PSMB2: variants seen among roughly 807,000 people sequenced by gnomAD.
The protein encoded by PSMB2 is proteasome subunit beta type-2.
In PSMB2, 13 loss-of-function variants were observed where a neutral mutation model predicts 25.7. The observed-to-expected ratio is 0.51, with a 90% CI of 0.33 to 0.80. PSMB2 has a LOEUF of 0.80. PSMB2 is among the 30% of genes least tolerant of loss of function. The pLI is 0.02. For synonymous variants in PSMB2, 87 were observed against 96.2 expected (o/e 0.90, Z 0.56); for missense variants, 202 against 259.0 (o/e 0.78, Z 1.51).
At position 35,604,735 on chromosome 1, in the gene PSMB2, G is replaced by A. The variant is rs577827070; in HGVS notation, c.498+498C>T. ...GCGGAGGTTGCAGTGAGCTGAAATC[G>A]TGCCACTGCACTCCAGCCTGGGCAA... On this transcript the variant is annotated intron_variant, in intron 5 of 5. Coordinates refer to ENST00000373237, the MANE Select transcript of PSMB2 (RefSeq NM_002794.5). Among the ~76,000 whole-genome samples, 10 of 152,266 alleles carry A rather than the reference G, an allele frequency of 6.6e-5. No homozygotes were observed. The South Asian group carries it at 8.3e-4, about 13-fold the overall frequency.
Position 35,600,427 on chromosome 1 carries a change from C to T in PSMB2, c.*2840G>A. 1.2e-6 allele frequency: 1 copy of T among 864,064 alleles called. No homozygotes were observed. The highest frequency in any genetic ancestry group is 1.4e-6 in the Non-Finnish European group (1 of 719,716). The allele number at this position is 864,064 out of a possible 1,614,324, so 53.5% of individuals were successfully genotyped here. On this transcript the variant is annotated 3_prime_UTR_variant, in exon 6 of 6. Transcript: ENST00000373237. ...TGGTATATAGAAGATGTTAACATTACAGAAACTGAATAAGGGGTATAAGGA... is the reference window on the plus strand; with the variant it reads ...TGGTATATAGAAGATGTTAACATTATAGAAACTGAATAAGGGGTATAAGGA...
intron 3 of PSMB2, among the ~76,000 whole-genome samples, chr1:35,613,295 T>G (rs1345805986): frequency 6.6e-6 from 1 of 151,996 alleles, no homozygotes; most frequent in East Asian, 1.9e-4. Context: ...TCCCGCACTT[T>G]GGGAGGCCAA....
At chr1:35,605,178 C>T in intron 5 of PSMB2, 55 bp downstream of exon 5, 1 of 1,529,516 alleles carries the variant, frequency 6.5e-7, no homozygotes, top group Non-Finnish European at 9.0e-7. Flanking sequence ...ACAGGAACAA[C>T]ACTGGCAAAC....
At position 35,627,903 on chromosome 1, in the gene PSMB2, A is replaced by G. The variant is rs116281891; in HGVS notation, c.285+3371T>C. ...CTCAGTGGTAGTAAATGTCCTCCCA[A>G]CCAAACCACCACACATACACAGAGC... is the stretch of plus-strand genomic sequence containing the variant. On this transcript the variant is annotated intron_variant, in intron 3 of 5. Coordinates refer to ENST00000373237, the MANE Select transcript of PSMB2 (RefSeq NM_002794.5). 5.3e-3 allele frequency among the ~76,000 whole-genome samples: 800 copies of G among 152,242 alleles called. 3 individuals are homozygous for G. Among genetic ancestry groups the G allele is most frequent in the African/African-American group, 0.018 (731 of 41,538 alleles).
At chr1:35,606,931 A>G (rs1464372251) in intron 4 of PSMB2, among the ~76,000 whole-genome samples, 1 of 152,204 alleles carries the variant, frequency 6.6e-6, no homozygotes, top group Admixed American at 6.5e-5. Flanking sequence ...GAAGGTACCA[A>G]GAACACTCAT....
chr1:35,621,277 A>G lies in PSMB2; in HGVS notation c.285+9997T>C, dbSNP rs543439150. On this transcript the variant is annotated intron_variant, in intron 3 of 5. Coordinates refer to ENST00000373237, the MANE Select transcript of PSMB2 (RefSeq NM_002794.5). ...TGTGCTCCCAGAGTACCCTGTGTAT[A>G]TGGCTATCTTAGCACTTGTCACTCT... Among the ~76,000 whole-genome samples the G allele has an allele frequency of 2.0e-5, 3 of 152,270 alleles. No homozygotes were observed. In the South Asian group the frequency reaches 6.2e-4, roughly 32 times the overall value.
chr1:35,621,821 C>T (rs1650693060), intron 3 of PSMB2, among the ~76,000 whole-genome samples: 1 of 152,078 alleles, frequency 6.6e-6, no homozygotes, highest in Admixed American at 6.6e-5. Context: ...CACAGTGAAA[C>T]CCCATCTCTA....
chr1:35,611,372 T>C (rs1298372546), intron 3 of PSMB2, among the ~76,000 whole-genome samples: 1 of 152,082 alleles, frequency 6.6e-6, no homozygotes, highest in Non-Finnish European at 1.5e-5. Flanking sequence ...TAACAGGCTT[T>C]TGTTCTGTCG....
chr1:35,624,639 G>T (rs1018599438), intron 3 of PSMB2, among the ~76,000 whole-genome samples: 1 of 152,098 alleles, frequency 6.6e-6, no homozygotes, highest in South Asian at 2.1e-4. Context: ...TGTAATCCCA[G>T]CTACTCAGGA....
rs560678829 is a variant in PSMB2, at chr1:35,620,423, G to A, written c.285+10851C>T. Reference sequence around the variant, plus strand: ...AATGCTCCATCAAAGAACAGCCAACGAGCTAATGATCTTACCAATCTCATC... The same window carrying A: ...AATGCTCCATCAAAGAACAGCCAACAAGCTAATGATCTTACCAATCTCATC... On this transcript the variant is annotated intron_variant, in intron 3 of 5. Transcript: ENST00000373237. 4.6e-5 allele frequency among the ~76,000 whole-genome samples: 7 copies of A among 152,196 alleles called. No homozygotes were observed. In the South Asian group the frequency reaches 1.0e-3, roughly 23 times the overall value.
At chr1:35,640,703 T>C (rs954566742) in intron 1 of PSMB2, among the ~76,000 whole-genome samples, 2 of 150,248 alleles carry the variant, frequency 1.3e-5, no homozygotes, top group Non-Finnish European at 2.9e-5. Flanking sequence ...GATCCCACCT[T>C]ATGCCGCCAA....
chr1:35,630,234 C>A (rs2148575971), intron 3 of PSMB2, among the ~76,000 whole-genome samples: 1 of 152,272 alleles, frequency 6.6e-6, no homozygotes, highest in Non-Finnish European at 1.5e-5. Context: ...CTTTCACTAA[C>A]ACATAGAGAC....
At chr1:35,628,617 ATATATATATATATATT>A (rs1557456488) in intron 3 of PSMB2, among the ~76,000 whole-genome samples, 57 of 49,466 alleles carry the variant, frequency 1.2e-3, no homozygotes, top group Non-Finnish European at 1.8e-3. Flanking sequence ...ATATATATAT[ATATATATATATATATT>A]TTTTTTTTTT....
rs182345820 is a variant in PSMB2 at position 35,599,790 on chromosome 1, A to G, written c.*3477T>C. ...TAGAGTGAAGTTAGGAGGCTGTTAA[A>G]TAGTCTAAGAAACGATAGGGGGTGA... On this transcript the variant is annotated 3_prime_UTR_variant, in exon 6 of 6. Coordinates refer to ENST00000373237, the MANE Select transcript of PSMB2 (RefSeq NM_002794.5). 5,463 of 984,692 alleles carry G rather than the reference A, an allele frequency of 5.5e-3. 20 individuals are homozygous for G. The highest frequency in any genetic ancestry group is 6.4e-3 in the Non-Finnish European group (5,266 of 829,248). The allele number at this position is 984,692 out of a possible 1,614,324, so 61.0% of individuals were successfully genotyped here. A position where few individuals can be genotyped will look rare whatever the true frequency, so the allele number is the denominator to read the frequency against.
intron 3 of PSMB2, among the ~76,000 whole-genome samples, chr1:35,621,773 C>G (rs751418497): frequency 1.2e-4 from 19 of 152,138 alleles, no homozygotes; most frequent in Non-Finnish European, 2.2e-4. Flanking sequence ...CTTTGGGAGG[C>G]CAAGGCAGAT....
intron 2 of PSMB2, among the ~76,000 whole-genome samples, chr1:35,633,207 C>T (rs971759863): frequency 5.5e-5 from 8 of 146,532 alleles, no homozygotes; most frequent in East Asian, 4.0e-4. Context: ...AGCAACAGAA[C>T]GAGACCCTGA....
chr1:35,635,828 CAAAAAAAAAA>C (rs1163061850), intron 2 of PSMB2, among the ~76,000 whole-genome samples: 1 of 34,242 alleles, frequency 2.9e-5, no homozygotes, highest in African/African-American at 8.4e-5. Flanking sequence ...GACTCCGTCT[CAAAAAAAAAA>C]AAAAAAAAAA....
chr1:35,637,663 T>C (rs2148579461), intron 1 of PSMB2, among the ~76,000 whole-genome samples: 1 of 152,366 alleles, frequency 6.6e-6, no homozygotes, highest in East Asian at 1.9e-4. Flanking sequence ...TACTGTCAAA[T>C]ACTTTACAAG....
At position 35,603,457 on chromosome 1, in the gene PSMB2, C is replaced by T. The variant is rs1650066927; in HGVS notation, c.499-83G>A. On this transcript the variant is annotated intron_variant, in intron 5 of 5. Coordinates refer to ENST00000373237, the MANE Select transcript of PSMB2 (RefSeq NM_002794.5). ...GGCTCTGTTCTAGACACTGGGGATA[C>T]AAGCAAACAAAAATCCCTGCTTTTG... The T allele has an allele frequency of 2.0e-6, 3 of 1,484,754 alleles. No individual in the cohort carries two copies. The East Asian group carries it at 6.9e-5, about 34-fold the overall frequency. The allele number at this position is 1,484,754 out of a possible 1,614,324, so 92.0% of individuals were successfully genotyped here. A position where few individuals can be genotyped will look rare whatever the true frequency, so the allele number is the denominator to read the frequency against.
Sources: gnomAD v4.1 joint callset for allele counts (sites outside exome capture counted in the v4.1 genomes callset) on GRCh38, gnomAD v4.1.1 for gene constraint, MANE v1.5 for transcripts, NCBI Gene and HGNC (gene_info 2026-07-23, HGNC 2026-07-21) for gene names.